SPSB1: variants seen among roughly 807,000 people sequenced by gnomAD.
SPSB1 encodes SPRY domain-containing SOCS box protein 1.
SPSB1 carries 8 observed loss-of-function variants against 21.2 expected under a neutral mutation model. That is an observed-to-expected ratio of 0.38 (90% confidence interval 0.22 to 0.68). The LOEUF (loss-of-function observed/expected upper bound fraction) is 0.68. Among genes scored for constraint, SPSB1 ranks in the 30% least tolerant of loss-of-function variants. The pLI is 0.53. For missense variants in SPSB1, 242 were observed against 377.8 expected (o/e 0.64, Z 2.98); for synonymous variants, 169 against 161.7 (o/e 1.05, Z -0.34).
chr1:9,329,383 G>A (rs1034969311), intron 1 of SPSB1, among the ~76,000 whole-genome samples: 2 of 152,094 alleles, frequency 1.3e-5, no homozygotes, highest in African/African-American at 4.8e-5. Context: ...GTGATGGAGA[G>A]GTCAGGGGAG....
chr1:9,294,818 C>T (rs1639190812), intron 1 of SPSB1, among the ~76,000 whole-genome samples: 1 of 152,096 alleles, frequency 6.6e-6, no homozygotes, highest in Non-Finnish European at 1.5e-5. Flanking sequence ...CTCCCTTCTG[C>T]CCTGTCCCCC....
intron 1 of SPSB1, among the ~76,000 whole-genome samples, chr1:9,307,048 C>T (rs1415696653): frequency 6.6e-6 from 1 of 151,990 alleles, no homozygotes; most frequent in Non-Finnish European, 1.5e-5. Context: ...CCTCCTTAGC[C>T]TCCTGGGTAG....
At chr1:9,327,325 G>T (rs979101761) in intron 1 of SPSB1, among the ~76,000 whole-genome samples, 1 of 152,228 alleles carries the variant, frequency 6.6e-6, no homozygotes, top group Non-Finnish European at 1.5e-5. Flanking sequence ...TGAGTAGCAC[G>T]TATGCATGGA....
At chr1:9,325,806 G>A (rs1160885208) in intron 1 of SPSB1, among the ~76,000 whole-genome samples, 1 of 152,182 alleles carries the variant, frequency 6.6e-6, no homozygotes, top group Non-Finnish European at 1.5e-5. Context: ...CAGTGACGTG[G>A]TGACCTCAGA....
chr1:9,356,564 C>A lies in SPSB1; in HGVS notation c.673C>A (p.Arg225Ser). 6.3e-7 allele frequency: 1 copy of A among 1,598,798 alleles called. No homozygotes were observed. Among genetic ancestry groups the A allele is most frequent in the Admixed American group, 1.7e-5 (1 of 59,568 alleles). ...CTGGGGCCACTGTGAGATCCGAATGCGCTACTTGAACGGACTCGATCGTAA... is the reference window on the plus strand; with the variant it reads ...CTGGGGCCACTGTGAGATCCGAATGAGCTACTTGAACGGACTCGATCGTAA... ...AVWGHCEIRM[R>S]YLNGLDPEPL... is the part of the protein sequence containing the mutation. Residue 225 changes from arginine (R) to serine (S), a missense_variant, in exon 2 of 3, where the codon CGC (arginine) becomes AGC (serine). Physicochemically the swap from Arg to Ser is moderately radical, Grantham distance 110. Transcript: ENST00000328089. The surrounding 1 kb of genome is among the most constrained non-coding windows in gnomAD (Gnocchi z 7.4).
At chr1:9,297,389 C>T (rs180965569) in intron 1 of SPSB1, among the ~76,000 whole-genome samples, 141 of 152,240 alleles carry the variant, frequency 9.3e-4, no homozygotes, top group African/African-American at 3.1e-3. Flanking sequence ...AAGGGCTTGA[C>T]GGGTGCCCCA....
chr1:9,331,964 G>C (rs941081207), intron 1 of SPSB1, among the ~76,000 whole-genome samples: 1 of 152,076 alleles, frequency 6.6e-6, no homozygotes, highest in Non-Finnish European at 1.5e-5. Context: ...GTAATAAAAG[G>C]ACCAAAAACA....
chr1:9,303,976 C>T (rs1459817363), intron 1 of SPSB1, among the ~76,000 whole-genome samples: 1 of 152,210 alleles, frequency 6.6e-6, no homozygotes, highest in African/African-American at 2.4e-5. Context: ...TGGGCTGCCC[C>T]AGGTGTGTCT....
At chr1:9,307,730 C>T (rs1044616485) in intron 1 of SPSB1, among the ~76,000 whole-genome samples, 9 of 152,202 alleles carry the variant, frequency 5.9e-5, no homozygotes, top group East Asian at 5.8e-4. Context: ...TTGCAGCCAG[C>T]GATCTTGTTA....
At chr1:9,357,567 C>G (rs759017722) in intron 2 of SPSB1, among the ~76,000 whole-genome samples, 1 of 152,212 alleles carries the variant, frequency 6.6e-6, no homozygotes, top group African/African-American at 2.4e-5. Flanking sequence ...GAGTCTTTCT[C>G]TTCTGCCAGA....
chr1:9,352,857 C>T (rs1438544817), intron 1 of SPSB1, among the ~76,000 whole-genome samples: 1 of 149,674 alleles, frequency 6.7e-6, no homozygotes, highest in Non-Finnish European at 1.5e-5. Flanking sequence ...GCCTCCTCCT[C>T]ACTCTTCCCA....
chr1:9,316,556 A>AGG (rs547430971), intron 1 of SPSB1, among the ~76,000 whole-genome samples: 1 of 150,812 alleles, frequency 6.6e-6, no homozygotes, highest in Non-Finnish European at 1.5e-5. Flanking sequence ...GATGGCGAGG[A>AGG]GGGGGGGGCT....
intron 1 of SPSB1, among the ~76,000 whole-genome samples, chr1:9,297,740 T>C (rs560938529): frequency 9.3e-4 from 141 of 152,302 alleles, no homozygotes; most frequent in African/African-American, 3.2e-3. Flanking sequence ...GGGTCTCCTT[T>C]GGTTTAATGT....
At chr1:9,337,824 C>A (rs1241091653) in intron 1 of SPSB1, among the ~76,000 whole-genome samples, 1 of 152,180 alleles carries the variant, frequency 6.6e-6, no homozygotes, top group Non-Finnish European at 1.5e-5. Flanking sequence ...TGGGACGCCC[C>A]ATGAAGCCAG....
intron 1 of SPSB1, among the ~76,000 whole-genome samples, chr1:9,329,352 C>T (rs1484080685): frequency 6.6e-6 from 1 of 151,986 alleles, no homozygotes; most frequent in Admixed American, 6.6e-5. Flanking sequence ...CCAGGAACTT[C>T]ATGCCAAGGG....
intron 1 of SPSB1, among the ~76,000 whole-genome samples, chr1:9,342,581 G>A (rs1640107906): frequency 6.6e-6 from 1 of 152,190 alleles, no homozygotes; most frequent in East Asian, 1.9e-4. Flanking sequence ...GCCTCATCCT[G>A]CCTTGTTCCC....
intron 2 of SPSB1, among the ~76,000 whole-genome samples, chr1:9,360,936 G>A (rs1640461362): frequency 6.6e-6 from 1 of 152,146 alleles, no homozygotes; most frequent in African/African-American, 2.4e-5. Flanking sequence ...GGTGAAAGAT[G>A]AGCCCGGAGC....
intron 1 of SPSB1, among the ~76,000 whole-genome samples, chr1:9,307,376 C>G (rs1335557228): frequency 6.6e-6 from 1 of 152,216 alleles, no homozygotes; most frequent in East Asian, 1.9e-4. Context: ...GAAGGAAACC[C>G]CATCCACATT....
Position 9,348,932 on chromosome 1 carries a change from C to G in SPSB1, c.-149-6811C>G, listed in dbSNP as rs1406571603. Among the ~76,000 whole-genome samples the G allele has an allele frequency of 1.0e-5, 1 of 98,926 alleles. No individual in the cohort carries two copies. The highest frequency in any genetic ancestry group is 2.0e-5 in the Non-Finnish European group (1 of 49,030). The allele number at this position is 98,926 out of a possible 152,430, so 64.9% of individuals were successfully genotyped here. A position where few individuals can be genotyped will look rare whatever the true frequency, so the allele number is the denominator to read the frequency against. On this transcript the variant is annotated intron_variant, in intron 1 of 2. Transcript: ENST00000328089. This position sits in a 1 kb window ranked among gnomAD's most constrained non-coding sequence, Gnocchi z 4.8. ...TAAGGGACATCCCCTTTCACTCGTG[C>G]AAGAATGTGTGTGTGTGTGTGTGTG... is the stretch of plus-strand genomic sequence containing the variant.
Sources: allele counts gnomAD v4.1 joint callset (sites outside exome capture counted in the v4.1 genomes callset), GRCh38; gene constraint gnomAD v4.1.1; non-coding constraint Gnocchi (gnomAD v3.1); transcripts MANE v1.5; gene names NCBI Gene and HGNC (gene_info 2026-07-23, HGNC 2026-07-21).